Variants in TAMM41 observed in about 807,000 individuals in gnomAD.
The protein encoded by TAMM41 is TAM41 mitochondrial translocator assembly and maintenance homolog, also known as phosphatidate cytidylyltransferase, mitochondrial.
TAMM41 carries 36 observed loss-of-function variants against 44.1 expected under a neutral mutation model. The observed-to-expected ratio is 0.82, with a 90% CI of 0.63 to 1.08. The LOEUF (loss-of-function observed/expected upper bound fraction) is 1.08, where lower values mean the gene tolerates loss of function less well. Among genes scored for constraint, TAMM41 ranks in the 50% least tolerant of loss-of-function variants. TAMM41 has a pLI of 0.00. For synonymous variants in TAMM41, 164 were observed against 153.1 expected, an observed-to-expected ratio of 1.07 and a Z score of -0.53; for missense variants, 417 against 404.3, an observed-to-expected ratio of 1.03 and a Z score of -0.27.
In TAMM41 at chr3:11,819,033, T is replaced by C. The variant is rs563967714; in HGVS notation, c.563-1696A>G. Reference sequence around the variant, plus strand: ...GCTCAAATATGGATGAACTTGTTTTTGTCACTATTATTTTGAAGGGAAAGA... The same window carrying C: ...GCTCAAATATGGATGAACTTGTTTTCGTCACTATTATTTTGAAGGGAAAGA... On this transcript the variant is annotated intron_variant, in intron 4 of 7. Transcript: ENST00000455809. Among the ~76,000 whole-genome samples, 10 of 152,302 alleles carry C rather than the reference T, an allele frequency of 6.6e-5. No homozygotes were observed. In the East Asian group the frequency reaches 1.7e-3, roughly 26 times the overall value.
chr3:11,723,351 G>A, the TAMM41 span, among the ~76,000 whole-genome samples: 1 of 152,036 alleles, frequency 6.6e-6, no homozygotes. Context: ...AGGCCAAGGC[G>A]GGTGCATTGC....
At chr3:11,731,050 G>A in the TAMM41 span, among the ~76,000 whole-genome samples, 18 of 152,108 alleles carry the variant, frequency 1.2e-4, no homozygotes, top group East Asian at 5.8e-4. Context: ...GTGTGTATGC[G>A]TTAGAACAGC....
At chr3:11,756,830 A>C in the TAMM41 span, among the ~76,000 whole-genome samples, 1 of 148,800 alleles carries the variant, frequency 6.7e-6, no homozygotes, top group Non-Finnish European at 1.5e-5. Flanking sequence ...GCGCCACTGC[A>C]CTCCAGCCTG....
At chr3:11,748,628 C>T in the TAMM41 span, among the ~76,000 whole-genome samples, 3 of 152,176 alleles carry the variant, frequency 2.0e-5, no homozygotes, top group Non-Finnish European at 4.4e-5. Flanking sequence ...ATCTGCCCCC[C>T]TCAGCCTCCC....
chr3:11,779,856 C>T, the TAMM41 span, among the ~76,000 whole-genome samples: 1 of 152,170 alleles, frequency 6.6e-6, no homozygotes, highest in Non-Finnish European at 1.5e-5. Flanking sequence ...CCCAAATGTG[C>T]CCCTCCTCCT....
chr3:11,776,155 A>T, the TAMM41 span, among the ~76,000 whole-genome samples: 1 of 151,236 alleles, frequency 6.6e-6, no homozygotes, highest in Admixed American at 6.6e-5. Context: ...CTGGGACTAC[A>T]GGCGCCCGCC....
intron 1 of TAMM41, chr3:11,844,763 C>G: frequency 2.9e-6 from 1 of 349,582 alleles, no homozygotes; most frequent in Non-Finnish European, 5.6e-6. Flanking sequence ...TCACCAACCA[C>G]TTATTGAGTA....
chr3:11,756,663 C>G, the TAMM41 span, among the ~76,000 whole-genome samples: 3 of 151,864 alleles, frequency 2.0e-5, no homozygotes, highest in Admixed American at 6.6e-5. Flanking sequence ...GTAGGGAGTT[C>G]GAGACCAGCC....
intron 4 of TAMM41, among the ~76,000 whole-genome samples, chr3:11,824,009 T>G (rs1304990209): frequency 2.0e-5 from 3 of 151,830 alleles, no homozygotes; most frequent in African/African-American, 7.3e-5. Context: ...GTATTTTCAA[T>G]AGAGACAGGG....
chr3:11,757,074 A>G, the TAMM41 span, among the ~76,000 whole-genome samples: 7 of 152,276 alleles, frequency 4.6e-5, no homozygotes, highest in South Asian at 1.5e-3. Context: ...ATCCCATGCC[A>G]TCGTTCCTAT....
At chr3:11,840,742 A>G (rs1200435201) in intron 2 of TAMM41, among the ~76,000 whole-genome samples, 2 of 152,042 alleles carry the variant, frequency 1.3e-5, no homozygotes, top group Non-Finnish European at 2.9e-5. Context: ...CCCCAAAGAC[A>G]GTTTGAGAAG....
chr3:11,839,435 A>G, intron 2 of TAMM41, 121 bp from the exon 3 acceptor site: 1 of 620,774 alleles, frequency 1.6e-6, no homozygotes, highest in Non-Finnish European at 2.7e-6. Flanking sequence ...TTCCAAAGCC[A>G]CTCAAAACAC....
the TAMM41 span, among the ~76,000 whole-genome samples, chr3:11,752,625 C>CTGTTTTTTTTTTTT: frequency 2.5e-5 from 1 of 39,938 alleles, no homozygotes. Flanking sequence ...TCTTACAAAG[C>CTGTTTTTTTTTTTT]TTTTTTTTTT....
the TAMM41 span, among the ~76,000 whole-genome samples, chr3:11,775,684 T>C: frequency 6.6e-6 from 1 of 152,178 alleles, no homozygotes; most frequent in Admixed American, 6.5e-5. Context: ...TTATTCACAA[T>C]AGCCAAGATA....
At chr3:11,760,542 T>TTTTTGTTTTGTTTTGTTTTG in the TAMM41 span, among the ~76,000 whole-genome samples, 18 of 150,878 alleles carry the variant, frequency 1.2e-4, no homozygotes, top group African/African-American at 3.9e-4. Flanking sequence ...TAAGTACAAT[T>TTTTTGTTTTGTTTTGTTTTG]TTTTGTTTTG....
chr3:11,804,996 CTTTTTT>C (rs1156555980), intron 7 of TAMM41, among the ~76,000 whole-genome samples: 1 of 103,064 alleles, frequency 9.7e-6, no homozygotes. Flanking sequence ...ACGCCCAGCC[CTTTTTT>C]TTTTTTTTTT....
the TAMM41 span, among the ~76,000 whole-genome samples, chr3:11,757,629 TCAGGCCCCAATGGGC>T: frequency 6.6e-6 from 1 of 152,206 alleles, no homozygotes; most frequent in African/African-American, 2.4e-5. Context: ...CGCGTGGATA[TCAGGCCCCAATGGGC>T]CTGATGAACT....
intron 5 of TAMM41, among the ~76,000 whole-genome samples, chr3:11,816,591 CTG>C (rs1226008620): frequency 1.3e-5 from 2 of 152,086 alleles, no homozygotes; most frequent in African/African-American, 4.8e-5. Flanking sequence ...TGGCAAAACC[CTG>C]TCTCTACAAA....
At chr3:11,820,608 C>T (rs2078476539) in intron 4 of TAMM41, among the ~76,000 whole-genome samples, 1 of 152,164 alleles carries the variant, frequency 6.6e-6, no homozygotes, top group Non-Finnish European at 1.5e-5. Context: ...GCTGAACTAG[C>T]TCAACCGCAG....
Sources: gnomAD v4.1 joint callset for allele counts (sites outside exome capture counted in the v4.1 genomes callset) on GRCh38, gnomAD v4.1.1 for gene constraint, MANE v1.5 for transcripts, NCBI Gene and HGNC (gene_info 2026-07-23, HGNC 2026-07-21) for gene names.